Variants in PCDH15 observed in about 807,000 individuals in gnomAD.
PCDH15 encodes the protein protocadherin related 15.
In PCDH15, 129 loss-of-function variants were observed where a neutral mutation model predicts 178.5. That is an observed-to-expected ratio of 0.72 (90% CI 0.63 to 0.84). PCDH15 has a LOEUF of 0.84. Ranked by LOEUF, PCDH15 falls within the 40% of genes least tolerant of loss-of-function variation. The pLI, the probability that PCDH15 is intolerant of heterozygous loss-of-function variation, is 0.00. For synonymous variants in PCDH15, 800 were observed against 732.0 expected (o/e 1.09, Z -1.50); for missense variants, 2,230 against 2,099.9 (o/e 1.06, Z -1.21).
chr10:54,297,699 C>G (rs1413670346), intron 8 of PCDH15, among the ~76,000 whole-genome samples: 3 of 152,098 alleles, frequency 2.0e-5, no homozygotes, highest in Non-Finnish European at 2.9e-5. Context: ...GGGAATTTGG[C>G]CCAACGTGGG....
intron 9 of PCDH15, among the ~76,000 whole-genome samples, chr10:54,225,468 G>A (rs2053330177): frequency 6.6e-6 from 1 of 152,096 alleles, no homozygotes; most frequent in African/African-American, 2.4e-5. Flanking sequence ...TCTCTCTGAT[G>A]TGTTCCTTTT....
At chr10:54,221,053 C>T (rs889879297) in intron 9 of PCDH15, among the ~76,000 whole-genome samples, 1 of 151,910 alleles carries the variant, frequency 6.6e-6, no homozygotes, top group East Asian at 1.9e-4. Context: ...ATTAGCCGGG[C>T]GAGGTTGTGG....
At chr10:55,600,886 T>A (rs61851734) in intron 2 of PCDH15, among the ~76,000 whole-genome samples, 86,510 of 151,078 alleles carry the variant, frequency 0.57, 25,615 homozygotes, top group East Asian at 0.97. Flanking sequence ...TTAATTTATT[T>A]ATTTATTTAT....
At chr10:55,590,489 A>T (rs1409789137) in intron 2 of PCDH15, among the ~76,000 whole-genome samples, 1 of 152,128 alleles carries the variant, frequency 6.6e-6, no homozygotes, top group Non-Finnish European at 1.5e-5. Flanking sequence ...TTAAAAAAAG[A>T]AAATAATAAT....
intron 2 of PCDH15, among the ~76,000 whole-genome samples, chr10:54,647,563 G>A (rs1461943101): frequency 6.6e-6 from 1 of 152,082 alleles, no homozygotes; most frequent in East Asian, 1.9e-4. Context: ...GGCAGCATGA[G>A]CCAGGTGCCT....
At chr10:53,872,382 C>A (rs906423106) in intron 26 of PCDH15, among the ~76,000 whole-genome samples, 1 of 152,080 alleles carries the variant, frequency 6.6e-6, no homozygotes, top group African/African-American at 2.4e-5. Flanking sequence ...AAATTCTGAC[C>A]ACAACTTTAA....
At chr10:54,831,707 G>C in intron 3 of PCDH15, among the ~76,000 whole-genome samples, 1 of 151,892 alleles carries the variant, frequency 6.6e-6, no homozygotes, top group East Asian at 1.9e-4. Context: ...TTCATTTCCA[G>C]GCATATTTTT....
intron 1 of PCDH15, among the ~76,000 whole-genome samples, chr10:54,681,391 G>C (rs7911634): frequency 2.0e-5 from 3 of 152,042 alleles, no homozygotes; most frequent in African/African-American, 7.2e-5. Flanking sequence ...TACAAAGAGA[G>C]AAAAAATCAG....
chr10:55,342,058 C>G (rs1900476), intron 2 of PCDH15, among the ~76,000 whole-genome samples: 49,713 of 150,246 alleles, frequency 0.33, 8,459 homozygotes, highest in Admixed American at 0.39. Flanking sequence ...TTAATATTTC[C>G]AAGAAAATCA....
At chr10:54,705,661 T>G (rs969817738) in intron 1 of PCDH15, among the ~76,000 whole-genome samples, 3 of 152,204 alleles carry the variant, frequency 2.0e-5, no homozygotes, top group Non-Finnish European at 4.4e-5. Context: ...AGAGACCATT[T>G]TCTTCTAGAA....
chr10:54,277,020 A>G (rs1213408568), intron 8 of PCDH15, among the ~76,000 whole-genome samples: 1 of 151,648 alleles, frequency 6.6e-6, no homozygotes, highest in African/African-American at 2.4e-5. Context: ...CACAAACTTA[A>G]GAGCTGGTGG....
chr10:54,724,806 G>T (rs866484782), intron 1 of PCDH15, among the ~76,000 whole-genome samples: 1 of 150,898 alleles, frequency 6.6e-6, no homozygotes, highest in Non-Finnish European at 1.5e-5. Context: ...TATAATTTTA[G>T]ATTCAGGTGG....
intron 18 of PCDH15, among the ~76,000 whole-genome samples, chr10:54,056,348 A>T (rs2093886951): frequency 6.6e-6 from 1 of 152,160 alleles, no homozygotes; most frequent in South Asian, 2.1e-4. Flanking sequence ...CATACCTGAG[A>T]CTGGATAATT....
At chr10:54,527,518 T>G (rs189569220) in intron 3 of PCDH15, among the ~76,000 whole-genome samples, 3 of 152,156 alleles carry the variant, frequency 2.0e-5, no homozygotes, top group Non-Finnish European at 2.9e-5. Flanking sequence ...ATACACATGA[T>G]AGTCAACTTC....
chr10:55,278,550 T>G (rs1187173963), intron 1 of PCDH15, among the ~76,000 whole-genome samples: 1 of 152,104 alleles, frequency 6.6e-6, no homozygotes, highest in Admixed American at 6.5e-5. Context: ...TTACAAAATT[T>G]TAATAAGCTT....
At chr10:55,409,175 T>C (rs1414658711) in intron 2 of PCDH15, among the ~76,000 whole-genome samples, 1 of 152,084 alleles carries the variant, frequency 6.6e-6, no homozygotes, top group Non-Finnish European at 1.5e-5. Flanking sequence ...CACTTGAACA[T>C]CAACTGCCCA....
chr10:54,687,653 TC>T (rs993250044), intron 1 of PCDH15, among the ~76,000 whole-genome samples: 2 of 152,106 alleles, frequency 1.3e-5, no homozygotes, highest in Non-Finnish European at 2.9e-5. Context: ...CAGCAATAAT[TC>T]CATCAAGTTG....
chr10:54,871,389 GA>G (rs994255122), intron 3 of PCDH15, among the ~76,000 whole-genome samples: 11 of 138,820 alleles, frequency 7.9e-5, no homozygotes, highest in Admixed American at 3.6e-4. Flanking sequence ...TAAGCTACTT[GA>G]AAAAAAAATG....
chr10:55,179,880 C>T (rs1342436508), intron 1 of PCDH15, among the ~76,000 whole-genome samples: 2 of 151,830 alleles, frequency 1.3e-5, no homozygotes, highest in African/African-American at 4.8e-5. Context: ...TGCTGAACTA[C>T]GGGAGTGAAA....
Sources: gnomAD v4.1 joint callset for allele counts (sites outside exome capture counted in the v4.1 genomes callset) on GRCh38, gnomAD v4.1.1 for gene constraint, MANE v1.5 for transcripts, NCBI Gene and HGNC (gene_info 2026-07-23, HGNC 2026-07-21) for gene names.